GPATCH2: variants seen among roughly 807,000 people sequenced by gnomAD.
GPATCH2 encodes G patch domain-containing protein 2.
In GPATCH2, 51 loss-of-function variants were observed where a neutral mutation model predicts 58.0. The observed-to-expected ratio is 0.88, with a 90% CI of 0.70 to 1.11. GPATCH2 has a LOEUF of 1.11. Among genes scored for constraint, GPATCH2 ranks in the 50% most tolerant of loss-of-function variants. The probability of loss-of-function intolerance (pLI) is 0.00; values close to 1 mark genes in which losing one functional copy is unlikely to be tolerated. For synonymous variants in GPATCH2, 222 were observed against 218.5 expected, an observed-to-expected ratio of 1.02 and a Z score of -0.14; for missense variants, 625 against 652.2, an observed-to-expected ratio of 0.96 and a Z score of 0.45.
chr1:217,558,275 T>TA (rs1204871415), intron 5 of GPATCH2, among the ~76,000 whole-genome samples: 2 of 152,206 alleles, frequency 1.3e-5, no homozygotes, highest in African/African-American at 4.8e-5. Context: ...ACAGAGGTAA[T>TA]ATATTTAAAC....
At chr1:217,533,707 T>A (rs765864894) in intron 5 of GPATCH2, among the ~76,000 whole-genome samples, 1 of 152,244 alleles carries the variant, frequency 6.6e-6, no homozygotes, top group Non-Finnish European at 1.5e-5. Flanking sequence ...GATATTTACG[T>A]TGGTATCTCC....
At chr1:217,552,789 C>CA (rs932382794) in intron 5 of GPATCH2, among the ~76,000 whole-genome samples, 37 of 151,910 alleles carry the variant, frequency 2.4e-4, no homozygotes, top group Middle Eastern at 3.4e-3. Context: ...CACTGAAATG[C>CA]AAAAAAATCT....
rs1658479802 is a variant in GPATCH2, at chr1:217,430,431, T to C, written c.*714A>G. On this transcript the variant is annotated 3_prime_UTR_variant, in exon 10 of 10. Transcript: ENST00000366935. The stretch of plus-strand genomic sequence containing the variant: ...AAATACATTTTTCTTTCAATAATTA[T>C]TTTATGTTCTAAATGAGGTAAAATT... 6.6e-6 allele frequency: 1 copy of C among 152,218 alleles called. No individual in the cohort carries two copies. Among genetic ancestry groups the C allele is most frequent in the Non-Finnish European group, 1.5e-5 (1 of 68,036 alleles). 9.4% of individuals were successfully genotyped at this position (152,218 alleles called of 1,614,324 possible).
At chr1:217,552,200 T>G (rs188818821) in intron 5 of GPATCH2, among the ~76,000 whole-genome samples, 1 of 152,220 alleles carries the variant, frequency 6.6e-6, no homozygotes, top group East Asian at 1.9e-4. Context: ...CTGATGTATA[T>G]GAATAAAAAC....
intron 9 of GPATCH2, among the ~76,000 whole-genome samples, chr1:217,438,599 A>C (rs1234778397): frequency 6.6e-6 from 1 of 152,200 alleles, no homozygotes; most frequent in Non-Finnish European, 1.5e-5. Flanking sequence ...AAATTGATCA[A>C]GCGGAAGAAA....
intron 5 of GPATCH2, among the ~76,000 whole-genome samples, chr1:217,577,062 C>T (rs1194401332): frequency 6.6e-6 from 1 of 152,072 alleles, no homozygotes; most frequent in African/African-American, 2.4e-5. Context: ...GGATAATGCA[C>T]AAATATTTTC....
At chr1:217,533,471 C>T (rs1434936539) in intron 5 of GPATCH2, among the ~76,000 whole-genome samples, 1 of 152,176 alleles carries the variant, frequency 6.6e-6, no homozygotes, top group Non-Finnish European at 1.5e-5. Flanking sequence ...TGGGGACCCA[C>T]TGAAAGAGTC....
intron 3 of GPATCH2, among the ~76,000 whole-genome samples, chr1:217,612,385 A>C (rs1668678045): frequency 6.6e-6 from 1 of 152,200 alleles, no homozygotes; most frequent in Admixed American, 6.5e-5. Context: ...TACAACAGAC[A>C]TCTTTAAAGG....
chr1:217,494,509 C>A (rs1175922996), intron 7 of GPATCH2, among the ~76,000 whole-genome samples: 4 of 152,252 alleles, frequency 2.6e-5, no homozygotes, highest in East Asian at 3.9e-4. Context: ...GAGGCCATGG[C>A]GGGCGGATCA....
chr1:217,492,461 T>G (rs1661793918), intron 7 of GPATCH2: 1 of 152,188 alleles, frequency 6.6e-6, no homozygotes, highest in East Asian at 1.9e-4. Flanking sequence ...ATCTTATTTA[T>G]GCAGAAAATA....
intron 2 of GPATCH2, among the ~76,000 whole-genome samples, chr1:217,616,160 T>C (rs1668876520): frequency 6.6e-6 from 1 of 152,158 alleles, no homozygotes; most frequent in African/African-American, 2.4e-5. Context: ...GGGAATGTGA[T>C]TTACATGAAC....
rs543795301 is a variant in GPATCH2 at position 217,494,129 on chromosome 1, T to A, written c.1207-2379A>T. Among the ~76,000 whole-genome samples, 4 of 152,344 alleles carry A rather than the reference T, an allele frequency of 2.6e-5. No homozygotes were observed. The East Asian group carries it at 7.7e-4, about 29-fold the overall frequency. On this transcript the variant is annotated intron_variant, in intron 7 of 9. Coordinates refer to ENST00000366935, the MANE Select transcript of GPATCH2 (RefSeq NM_018040.5). ...TGAACGTTGATGTTATAGCTCCTTTTATTAGATTTATATTATAATGTGTTT... is the reference window on the plus strand; with the variant it reads ...TGAACGTTGATGTTATAGCTCCTTTAATTAGATTTATATTATAATGTGTTT...
intron 9 of GPATCH2, among the ~76,000 whole-genome samples, chr1:217,446,754 G>C (rs1296780655): frequency 6.6e-6 from 1 of 152,016 alleles, no homozygotes; most frequent in Non-Finnish European, 1.5e-5. Flanking sequence ...GTATATGCTG[G>C]TGTAAGCTTA....
At chr1:217,604,544 C>T (rs1668267715) in intron 5 of GPATCH2, among the ~76,000 whole-genome samples, 1 of 152,044 alleles carries the variant, frequency 6.6e-6, no homozygotes, top group South Asian at 2.1e-4. Context: ...TATCAGTTCA[C>T]AGGGGTTAAA....
chr1:217,565,188 C>A (rs1666156980), intron 5 of GPATCH2, among the ~76,000 whole-genome samples: 1 of 152,154 alleles, frequency 6.6e-6, no homozygotes, highest in African/African-American at 2.4e-5. Context: ...GTTCTAAGAA[C>A]CTCAAGTCCC....
intron 8 of GPATCH2, among the ~76,000 whole-genome samples, chr1:217,485,275 C>T (rs1661405201): frequency 6.6e-6 from 1 of 152,122 alleles, no homozygotes; most frequent in Non-Finnish European, 1.5e-5. Context: ...GTATGATGCC[C>T]ATCTGCATAA....
chr1:217,524,297 T>A (rs1360862941), intron 5 of GPATCH2, among the ~76,000 whole-genome samples: 7 of 149,348 alleles, frequency 4.7e-5, no homozygotes, highest in Non-Finnish European at 8.9e-5. Context: ...ACTTCCTAGA[T>A]GGGATGGCGG....
At chr1:217,570,942 G>A (rs1666509222) in intron 5 of GPATCH2, among the ~76,000 whole-genome samples, 2 of 152,182 alleles carry the variant, frequency 1.3e-5, no homozygotes, top group Non-Finnish European at 2.9e-5. Context: ...TGAAACAATA[G>A]AGATTTAAGC....
chr1:217,471,169 T>C (rs1190419093), intron 8 of GPATCH2, among the ~76,000 whole-genome samples: 1 of 152,028 alleles, frequency 6.6e-6, no homozygotes, highest in Non-Finnish European at 1.5e-5. Context: ...CAAAAGAGAA[T>C]TTGTTTTAAA....
Sources: gnomAD v4.1 joint callset for allele counts (sites outside exome capture counted in the v4.1 genomes callset) on GRCh38, gnomAD v4.1.1 for gene constraint, MANE v1.5 for transcripts, NCBI Gene and HGNC (gene_info 2026-07-23, HGNC 2026-07-21) for gene names.